The following SH2D4B variants were observed in gnomAD, a reference collection of about 807,000 sequenced individuals.
SH2D4B encodes SH2 domain-containing protein 4B.
SH2D4B carries 45 observed loss-of-function variants against 61.5 expected under a neutral mutation model. The ratio of observed to expected loss-of-function variants is 0.73; its 90% CI spans 0.58 to 0.94. The LOEUF (loss-of-function observed/expected upper bound fraction) is 0.94. Among genes scored for constraint, SH2D4B ranks in the 40% least tolerant of loss-of-function variants. The pLI is 0.00. For missense variants in SH2D4B, 572 were observed against 574.2 expected (o/e 1.00, Z 0.04); for synonymous variants, 224 against 220.4 (o/e 1.02, Z -0.14).
intron 6 of SH2D4B, among the ~76,000 whole-genome samples, chr10:80,611,641 CT>C (rs1007973923): frequency 6.6e-6 from 1 of 152,058 alleles, no homozygotes; most frequent in Non-Finnish European, 1.5e-5. Context: ...GCACTGGCAT[CT>C]TAGGGAGCTG....
rs148862117 is a variant in SH2D4B, at chr10:80,596,657, C to T, written c.644-6922C>T. ...CCTGTGGAGTTACTGCTGGGCATTC[C>T]AAGGACTGCCGAGGGGTGGCTGAGG... is the stretch of plus-strand genomic sequence containing the variant. On this transcript the variant is annotated intron_variant, in intron 4 of 7. Transcript: ENST00000646907. Among the ~76,000 whole-genome samples, 6 of 152,280 alleles carry T rather than the reference C, an allele frequency of 3.9e-5. No individual in the cohort carries two copies. In the East Asian group the frequency reaches 1.2e-3, roughly 29 times the overall value.
intron 1 of SH2D4B, among the ~76,000 whole-genome samples, chr10:80,553,453 T>A (rs1841788149): frequency 6.6e-6 from 1 of 152,224 alleles, no homozygotes. Flanking sequence ...GATTCTGCTG[T>A]GTCTCTGTAT....
At chr10:80,635,513 C>A (rs893684772) in intron 7 of SH2D4B, among the ~76,000 whole-genome samples, 9 of 152,192 alleles carry the variant, frequency 5.9e-5, no homozygotes, top group African/African-American at 2.2e-4. Flanking sequence ...CCTAGAAATT[C>A]AGGGACAGCC....
intron 4 of SH2D4B, among the ~76,000 whole-genome samples, chr10:80,593,198 T>G (rs1164344362): frequency 6.6e-6 from 1 of 152,226 alleles, no homozygotes; most frequent in African/African-American, 2.4e-5. Context: ...GTATTTCCAT[T>G]TCCATTTTAG....
intron 1 of SH2D4B, among the ~76,000 whole-genome samples, chr10:80,547,566 C>T (rs907257492): frequency 3.8e-4 from 58 of 152,056 alleles, no homozygotes; most frequent in African/African-American, 1.2e-3. Context: ...GTGCTGGGAG[C>T]GGGAGGGAGG....
intron 6 of SH2D4B, among the ~76,000 whole-genome samples, chr10:80,610,810 G>A (rs1420788911): frequency 1.3e-5 from 2 of 152,248 alleles, no homozygotes; most frequent in African/African-American, 4.8e-5. Context: ...CACATGTTAC[G>A]TGCCCTTTGG....
In SH2D4B at chr10:80,612,554, C is replaced by T. The variant is rs148027990; in HGVS notation, c.988+3003C>T. Among the ~76,000 whole-genome samples, 701 of 152,268 alleles carry T rather than the reference C, an allele frequency of 4.6e-3. 6 individuals carry two copies. Among genetic ancestry groups the T allele is most frequent in the African/African-American group, 0.016 (664 of 41,546 alleles). On this transcript the variant is annotated intron_variant, in intron 6 of 7. Coordinates refer to ENST00000646907, the MANE Select transcript of SH2D4B (RefSeq NM_001388272.1). ...GGCTCTTGAGCCCTATTCTTAGAGC[C>T]AGCACCTTGTCACTTTGCCTTGTAC...
At chr10:80,564,500 G>T (rs1841942113) in intron 1 of SH2D4B, among the ~76,000 whole-genome samples, 2 of 152,136 alleles carry the variant, frequency 1.3e-5, no homozygotes, top group Admixed American at 6.5e-5. Context: ...TCTCTCTCCA[G>T]GTCTCCTTTG....
intron 3 of SH2D4B, among the ~76,000 whole-genome samples, chr10:80,577,572 G>T (rs1402206051): frequency 1.3e-5 from 2 of 151,908 alleles, no homozygotes; most frequent in Non-Finnish European, 2.9e-5. Context: ...GACTACAGGT[G>T]CCTGCCACCA....
chr10:80,538,888 C>T lies in SH2D4B; in HGVS notation c.184+373C>T, dbSNP rs781303840. On this transcript the variant is annotated intron_variant, in intron 1 of 7. Coordinates refer to ENST00000646907, the MANE Select transcript of SH2D4B (RefSeq NM_001388272.1). The surrounding 1 kb of genome is among the most constrained non-coding windows in gnomAD (Gnocchi z 4.8). The stretch of plus-strand genomic sequence containing the variant: ...ATATTTGTGACCCTTGCCATTGGTT[C>T]TGGGCCAGAGTGTGGTGTAGATATG... Among the ~76,000 whole-genome samples the T allele has an allele frequency of 6.6e-6, 1 of 152,194 alleles. No homozygotes were observed. The highest frequency in any genetic ancestry group is 2.4e-5 in the African/African-American group (1 of 41,436).
Position 80,584,911 on chromosome 10 carries a change from C to T in SH2D4B, c.496-3719C>T, listed in dbSNP as rs180705938. ...TAGCAGCATTAATCAGACACATGGA[C>T]GTAGCCAAGCAAAGGAACAGCTAAC... On this transcript the variant is annotated intron_variant, in intron 3 of 7. Coordinates refer to ENST00000646907, the MANE Select transcript of SH2D4B (RefSeq NM_001388272.1). 6.2e-4 allele frequency among the ~76,000 whole-genome samples: 95 copies of T among 152,280 alleles called. 2 individuals carry two copies. The Middle Eastern group carries it at 0.01, about 16-fold the overall frequency.
intron 6 of SH2D4B, among the ~76,000 whole-genome samples, chr10:80,632,064 A>C (rs1033622791): frequency 6.6e-6 from 1 of 152,022 alleles, no homozygotes; most frequent in Admixed American, 6.6e-5. Flanking sequence ...CGGCCTCCCA[A>C]GTGGGTGTAG....
chr10:80,612,875 A>G (rs189007374), intron 6 of SH2D4B, among the ~76,000 whole-genome samples: 1 of 152,328 alleles, frequency 6.6e-6, no homozygotes, highest in Non-Finnish European at 1.5e-5. Context: ...GAATCTGAAG[A>G]TATGGGGTCC....
intron 4 of SH2D4B, among the ~76,000 whole-genome samples, chr10:80,594,880 A>G (rs77564921): frequency 0.12 from 18,349 of 152,084 alleles, 1,253 homozygotes; most frequent in East Asian, 0.25. Context: ...AACACCCAGA[A>G]CTTCTGGGAC....
chr10:80,639,906 G>A (rs924821640), intron 7 of SH2D4B, among the ~76,000 whole-genome samples: 1 of 152,216 alleles, frequency 6.6e-6, no homozygotes, highest in African/African-American at 2.4e-5. Flanking sequence ...AATTAGGGAT[G>A]TTTTTGCAGT....
intron 6 of SH2D4B, among the ~76,000 whole-genome samples, chr10:80,612,198 T>TC (rs1554879970): frequency 4.8e-5 from 6 of 125,206 alleles, no homozygotes; most frequent in Non-Finnish European, 9.6e-5. Flanking sequence ...TTTTTTTTTT[T>TC]CAACTTTACT....
At chr10:80,569,749 T>C (rs555742125) in intron 1 of SH2D4B, among the ~76,000 whole-genome samples, 1 of 152,288 alleles carries the variant, frequency 6.6e-6, no homozygotes, top group South Asian at 2.1e-4. Flanking sequence ...AGTTAAACTA[T>C]ACACTAAATT....
chr10:80,593,073 A>G (rs1252741634), intron 4 of SH2D4B, among the ~76,000 whole-genome samples: 1 of 152,150 alleles, frequency 6.6e-6, no homozygotes, highest in Non-Finnish European at 1.5e-5. Context: ...TTCTTATGCC[A>G]GTATGACATA....
chr10:80,639,171 TC>T (rs1465200972), intron 7 of SH2D4B, among the ~76,000 whole-genome samples: 1 of 152,232 alleles, frequency 6.6e-6, no homozygotes, highest in Non-Finnish European at 1.5e-5. Flanking sequence ...TGATTTCTGT[TC>T]TTTTACATTT....
Sources: allele counts gnomAD v4.1 joint callset (sites outside exome capture counted in the v4.1 genomes callset), GRCh38; gene constraint gnomAD v4.1.1; non-coding constraint Gnocchi (gnomAD v3.1); transcripts MANE v1.5; gene names NCBI Gene and HGNC (gene_info 2026-07-23, HGNC 2026-07-21).